The following KMT2C variants were observed in gnomAD, a reference collection of about 807,000 sequenced individuals.
KMT2C encodes histone-lysine N-methyltransferase 2C.
A neutral mutation model predicts 507.9 loss-of-function variants in KMT2C; 88 were observed. That is an observed-to-expected ratio of 0.17 (90% CI 0.15 to 0.21). The LOEUF (loss-of-function observed/expected upper bound fraction) is 0.21, where lower values mean the gene tolerates loss of function less well. Ranked by LOEUF, KMT2C falls within the 10% of genes least tolerant of loss-of-function variation. The pLI, the probability that KMT2C is intolerant of heterozygous loss-of-function variation, is 1.00. For missense variants in KMT2C, 4,954 were observed against 5,957.8 expected, an observed-to-expected ratio of 0.83 and a Z score of 5.55; for synonymous variants, 2,049 against 2,080.8, an observed-to-expected ratio of 0.98 and a Z score of 0.42.
chr7:152,171,399 T>A, intron 39 of KMT2C, 57 bp from the exon 40 acceptor site: 1 of 1,156,754 alleles, frequency 8.6e-7, no homozygotes, highest in South Asian at 1.5e-5. Context: ...TTATTAATAT[T>A]AATTAAAAAC....
chr7:152,418,507 T>C (rs1589910338), intron 1 of KMT2C, among the ~76,000 whole-genome samples: 1 of 152,092 alleles, frequency 6.6e-6, no homozygotes, highest in Non-Finnish European at 1.5e-5. Context: ...CTTGGCTCAC[T>C]GCAACCTCCA....
chr7:152,148,181 G>T lies in KMT2C; in HGVS notation c.13746C>A (p.Ala4582=). Residue 4582 remains alanine (A), a synonymous_variant, in exon 52 of 59, where the codon GCC becomes GCA. Transcript: ENST00000262189. The surrounding 1 kb of genome is among the most constrained non-coding windows in gnomAD (Gnocchi z 7.1). ...AGCGAGTGCTCCAGTACAGCCGGCTGGCTTCATAGCCCACAGGGAAGAGTG... is the reference window on the plus strand; with the variant it reads ...AGCGAGTGCTCCAGTACAGCCGGCTTGCTTCATAGCCCACAGGGAAGAGTG... ...PKALFPVGYE[A]SRLYWSTRYA... is the part of the protein sequence containing the mutation. 1 of 1,614,156 alleles carries T rather than the reference G, an allele frequency of 6.2e-7. No homozygotes were observed. Among genetic ancestry groups the T allele is most frequent in the Admixed American group, 1.7e-5 (1 of 60,024 alleles).
At chr7:152,160,281 G>T (rs2092366594) in intron 43 of KMT2C, among the ~76,000 whole-genome samples, 3 of 152,156 alleles carry the variant, frequency 2.0e-5, no homozygotes, top group Middle Eastern at 6.8e-3. Context: ...GGGTCTCCAG[G>T]GCGGCAGCAG....
intron 3 of KMT2C, among the ~76,000 whole-genome samples, chr7:152,329,081 A>G (rs2096856630): frequency 6.6e-6 from 1 of 152,108 alleles, no homozygotes. Flanking sequence ...GCACACACAG[A>G]GGTTACAGCC....
chr7:152,330,558 T>C (rs2096873185), intron 3 of KMT2C, 43 bp downstream of exon 3: 1 of 1,587,230 alleles, frequency 6.3e-7, no homozygotes, highest in Non-Finnish European at 8.6e-7. Context: ...CACTGCTTTA[T>C]TCCTGTCACT....
At chr7:152,218,283 C>T (rs1193700627) in intron 23 of KMT2C, among the ~76,000 whole-genome samples, 1 of 152,148 alleles carries the variant, frequency 6.6e-6, no homozygotes, top group Non-Finnish European at 1.5e-5. Flanking sequence ...TCTGCCTCTG[C>T]CTCCCGAGTA....
chr7:152,328,152 A>G (rs2096847907), intron 3 of KMT2C, among the ~76,000 whole-genome samples: 5 of 152,132 alleles, frequency 3.3e-5, no homozygotes, highest in African/African-American at 1.2e-4. Context: ...GCAGGTTACT[A>G]TGTAAAATAT....
At chr7:152,301,205 A>G (rs998388742) in intron 6 of KMT2C, among the ~76,000 whole-genome samples, 2 of 151,694 alleles carry the variant, frequency 1.3e-5, no homozygotes, top group Non-Finnish European at 2.9e-5. Flanking sequence ...CCTAAAAAAA[A>G]AAAAAAAAAG....
At chr7:152,433,333 A>C (rs1590031680) in intron 1 of KMT2C, among the ~76,000 whole-genome samples, 2 of 152,254 alleles carry the variant, frequency 1.3e-5, no homozygotes. Flanking sequence ...TACACTGGTT[A>C]CACATAAGTT....
intron 1 of KMT2C, among the ~76,000 whole-genome samples, chr7:152,389,296 C>G (rs2097466162): frequency 6.7e-6 from 1 of 148,500 alleles, no homozygotes; most frequent in African/African-American, 2.5e-5. Flanking sequence ...ACCTGGGAGG[C>G]CGAGACTGCA....
intron 31 of KMT2C, among the ~76,000 whole-genome samples, chr7:152,190,215 T>G (rs1454180779): frequency 6.6e-6 from 1 of 152,180 alleles, no homozygotes; most frequent in Non-Finnish European, 1.5e-5. Context: ...TTAAGGAATG[T>G]GCAATTTTAA....
chr7:152,193,920 T>C (rs1021905861), intron 31 of KMT2C, 89 bp downstream of exon 31: 17 of 1,232,062 alleles, frequency 1.4e-5, no homozygotes, highest in African/African-American at 7.8e-5. Flanking sequence ...TACTAAAGAA[T>C]AGGGCAAAAC....
At chr7:152,379,809 G>A (rs1433528337) in intron 1 of KMT2C, among the ~76,000 whole-genome samples, 3 of 152,296 alleles carry the variant, frequency 2.0e-5, no homozygotes, top group African/African-American at 7.2e-5. Flanking sequence ...CAAAAAGGAG[G>A]ACAGGGCAGG....
rs2129108540 is a variant in KMT2C at position 152,171,289 on chromosome 7, T to G, written c.9428A>C (p.Asn3143Thr). The change falls in exon 40 of 59, where the codon AAC (asparagine) becomes ACC (threonine). Residue 3143 changes from asparagine to threonine, a missense_variant. Around this residue, in one of 29 missense-constraint regions of KMT2C, gnomAD observed 1,689 missense variants for 1,654.3 expected, o/e 1.02. Transcript: ENST00000262189. ...VTGTQNSEGQ[N>T]LGPQAIPQDG... Reference sequence around the variant, plus strand: ...CTGAGGAATGGCCTGTGGTCCAAGGTTCTGTCCTTCACTGTTCTGTGTTCC... The same window carrying G: ...CTGAGGAATGGCCTGTGGTCCAAGGGTCTGTCCTTCACTGTTCTGTGTTCC... 6.2e-7 allele frequency: 1 copy of G among 1,610,098 alleles called. No homozygotes were observed.
intron 23 of KMT2C, among the ~76,000 whole-genome samples, chr7:152,215,379 T>TAGTG (rs2094547637): frequency 6.6e-6 from 1 of 151,370 alleles, no homozygotes; most frequent in East Asian, 1.9e-4. Flanking sequence ...CCGGGCGTGG[T>TAGTG]GGCAGGTGCC....
intron 46 of KMT2C, 89 bp from the exon 47 acceptor site, chr7:152,154,534 C>A: frequency 1.8e-6 from 2 of 1,085,088 alleles, no homozygotes; most frequent in Non-Finnish European, 2.7e-6. Context: ...GTGAATACAG[C>A]TGTAAGGATA....
intron 1 of KMT2C, among the ~76,000 whole-genome samples, chr7:152,429,312 T>C (rs924231363): frequency 6.6e-6 from 1 of 152,160 alleles, no homozygotes; most frequent in African/African-American, 2.4e-5. Flanking sequence ...TTTACACTTG[T>C]AGATCATATG....
chr7:152,433,577 T>C (rs955795077), intron 1 of KMT2C, among the ~76,000 whole-genome samples: 2 of 152,334 alleles, frequency 1.3e-5, no homozygotes, highest in South Asian at 4.1e-4. Flanking sequence ...TAATTTCCTA[T>C]AAAGAAAGCA....
intron 28 of KMT2C, chr7:152,195,502 T>A: frequency 1.0e-6 from 1 of 980,574 alleles, no homozygotes; most frequent in Non-Finnish European, 1.2e-6. Context: ...TCAGCCGTCA[T>A]CCATTGCTCA....
Sources: gnomAD v4.1 joint callset for allele counts (sites outside exome capture counted in the v4.1 genomes callset) on GRCh38, gnomAD v4.1.1 for gene constraint, gnomAD v4.1.1 regional missense constraint, Gnocchi (gnomAD v3.1) non-coding constraint, MANE v1.5 for transcripts, NCBI Gene and HGNC (gene_info 2026-07-23, HGNC 2026-07-21) for gene names.